GRID2: variants seen among roughly 807,000 people sequenced by gnomAD.
GRID2 encodes glutamate receptor ionotropic, delta-2.
In GRID2, 33 loss-of-function variants were observed where a neutral mutation model predicts 114.8. The observed-to-expected ratio is 0.29, with a 90% confidence interval of 0.22 to 0.38. The LOEUF is 0.38. Ranked by LOEUF, GRID2 falls within the 10% of genes least tolerant of loss-of-function variation. The pLI is 1.00. For missense variants in GRID2, 1,184 were observed against 1,257.7 expected, an observed-to-expected ratio of 0.94 and a Z score of 0.89; for synonymous variants, 505 against 449.9, an observed-to-expected ratio of 1.12 and a Z score of -1.55.
chr4:93,434,459 TA>T (rs908481792), intron 10 of GRID2, among the ~76,000 whole-genome samples: 44 of 151,860 alleles, frequency 2.9e-4, no homozygotes, highest in Non-Finnish European at 4.3e-4. Context: ...TAAAAATATA[TA>T]AAAAAAATTT....
chr4:92,579,255 A>G (rs1270299370), intron 1 of GRID2, among the ~76,000 whole-genome samples: 2 of 152,084 alleles, frequency 1.3e-5, no homozygotes, highest in Non-Finnish European at 2.9e-5. Flanking sequence ...ACTTTTAGAT[A>G]ATTTTTCAAT....
chr4:93,474,301 T>A (rs1725113834), intron 11 of GRID2, among the ~76,000 whole-genome samples: 1 of 152,172 alleles, frequency 6.6e-6, no homozygotes, highest in African/African-American at 2.4e-5. Context: ...CTTCTCTTAC[T>A]TGTCATTAGA....
At chr4:92,506,264 C>T (rs1723966510) in intron 1 of GRID2, among the ~76,000 whole-genome samples, 1 of 151,902 alleles carries the variant, frequency 6.6e-6, no homozygotes, top group Non-Finnish European at 1.5e-5. Context: ...CTAAATGATT[C>T]TGTGATAAAT....
chr4:93,650,909 C>CA (rs200787739), intron 14 of GRID2, among the ~76,000 whole-genome samples: 1 of 67,164 alleles, frequency 1.5e-5, no homozygotes, highest in East Asian at 4.3e-4. Flanking sequence ...ATACATACTG[C>CA]AAAAAAAAAT....
chr4:93,005,496 A>G (rs1721420269), intron 2 of GRID2, among the ~76,000 whole-genome samples: 1 of 152,168 alleles, frequency 6.6e-6, no homozygotes, highest in Non-Finnish European at 1.5e-5. Flanking sequence ...TGATCTTTTC[A>G]AAATGGATAC....
chr4:92,354,383 A>G (rs1310038037), intron 1 of GRID2, among the ~76,000 whole-genome samples: 1 of 151,922 alleles, frequency 6.6e-6, no homozygotes, highest in Non-Finnish European at 1.5e-5. Flanking sequence ...GGGGTACATG[A>G]GCTTGTAGCT....
At chr4:93,759,934 G>A (rs1057244856) in intron 14 of GRID2, among the ~76,000 whole-genome samples, 3 of 152,134 alleles carry the variant, frequency 2.0e-5, no homozygotes, top group Admixed American at 1.3e-4. Context: ...GATCTTGATG[G>A]TGTATTCAAA....
chr4:92,574,178 A>T (rs1298112418), intron 1 of GRID2, among the ~76,000 whole-genome samples: 1 of 151,684 alleles, frequency 6.6e-6, no homozygotes, highest in African/African-American at 2.4e-5. Context: ...TCCAACGCCT[A>T]TGTGTGTCTT....
chr4:92,944,949 A>G (rs1335101612), intron 2 of GRID2, among the ~76,000 whole-genome samples: 1 of 152,134 alleles, frequency 6.6e-6, no homozygotes, highest in East Asian at 1.9e-4. Flanking sequence ...TGTCTTCCAA[A>G]TATGTCATAT....
At chr4:92,588,057 A>T (rs1728531196) in intron 1 of GRID2, among the ~76,000 whole-genome samples, 1 of 152,166 alleles carries the variant, frequency 6.6e-6, no homozygotes, top group Admixed American at 6.5e-5. Flanking sequence ...AATTTGTATC[A>T]TACTTCCTAA....
At chr4:92,705,811 T>C (rs542392482) in intron 2 of GRID2, among the ~76,000 whole-genome samples, 1 of 152,194 alleles carries the variant, frequency 6.6e-6, no homozygotes, top group African/African-American at 2.4e-5. Context: ...TATTATAGTA[T>C]CTTATTGGAT....
intron 14 of GRID2, among the ~76,000 whole-genome samples, chr4:93,696,356 A>G (rs565953664): frequency 2.6e-5 from 4 of 152,250 alleles, no homozygotes; most frequent in South Asian, 4.1e-4. Context: ...CAACTGCTCA[A>G]TTTAACACTT....
intron 4 of GRID2, among the ~76,000 whole-genome samples, chr4:93,165,720 C>G (rs1321817281): frequency 6.6e-6 from 1 of 152,052 alleles, no homozygotes; most frequent in East Asian, 1.9e-4. Flanking sequence ...ATAGTAGCAA[C>G]TTAACATAAA....
chr4:93,431,254 A>C (rs1199260486), intron 10 of GRID2, among the ~76,000 whole-genome samples: 1 of 152,136 alleles, frequency 6.6e-6, no homozygotes, highest in African/African-American at 2.4e-5. Flanking sequence ...TCACTGTGAA[A>C]GTGCCATAGG....
intron 14 of GRID2, among the ~76,000 whole-genome samples, chr4:93,699,245 A>G (rs1473439491): frequency 6.6e-6 from 1 of 152,136 alleles, no homozygotes; most frequent in Non-Finnish European, 1.5e-5. Flanking sequence ...GAATGAGTTC[A>G]GTAAGTTTGG....
At chr4:93,635,070 C>T (rs1166061417) in intron 14 of GRID2, among the ~76,000 whole-genome samples, 1 of 151,990 alleles carries the variant, frequency 6.6e-6, no homozygotes, top group East Asian at 1.9e-4. Flanking sequence ...TTCTAAGAAC[C>T]ATACAACCTA....
At chr4:93,190,781 A>G (rs1740904644) in intron 4 of GRID2, among the ~76,000 whole-genome samples, 1 of 152,050 alleles carries the variant, frequency 6.6e-6, no homozygotes, top group East Asian at 1.9e-4. Context: ...TGTTTTAATC[A>G]TAATTCATAT....
At chr4:92,915,637 C>A (rs995565811) in intron 2 of GRID2, among the ~76,000 whole-genome samples, 1 of 152,084 alleles carries the variant, frequency 6.6e-6, no homozygotes, top group Non-Finnish European at 1.5e-5. Flanking sequence ...GAGGGATCAA[C>A]CCACTACTCT....
At chr4:93,754,494 G>A (rs1445126464) in intron 14 of GRID2, among the ~76,000 whole-genome samples, 3 of 152,100 alleles carry the variant, frequency 2.0e-5, no homozygotes, top group Non-Finnish European at 2.9e-5. Flanking sequence ...GATCTATATA[G>A]CTTGAGTTTT....
Sources: gnomAD v4.1 joint callset for allele counts (sites outside exome capture counted in the v4.1 genomes callset) on GRCh38, gnomAD v4.1.1 for gene constraint, MANE v1.5 for transcripts, NCBI Gene and HGNC (gene_info 2026-07-23, HGNC 2026-07-21) for gene names.